Variants in POTEE observed in about 807,000 individuals in gnomAD.
The protein encoded by POTEE is POTE ankyrin domain family member E.
Under a neutral mutation model 74.2 loss-of-function variants are expected in POTEE, and 21 were observed. That is an observed-to-expected ratio of 0.28 (90% CI 0.20 to 0.41). The LOEUF is 0.41. Among genes scored for constraint, POTEE ranks in the 10% least tolerant of loss-of-function variants. The pLI is 1.00. For synonymous variants in POTEE, 211 were observed against 432.8 expected, an observed-to-expected ratio of 0.49 and a Z score of 6.36; for missense variants, 525 against 1,158.6, an observed-to-expected ratio of 0.45 and a Z score of 7.94.
rs1451451616 is a variant in POTEE, at chr2:131,265,097, G to A, written c.*414G>A. The A allele has an allele frequency of 1.4e-4, 23 of 169,940 alleles. No homozygotes were observed. The highest frequency in any genetic ancestry group is 2.2e-4 in the Non-Finnish European group (18 of 80,870). The allele number at this position is 169,940 out of a possible 1,614,324, so 10.5% of individuals were successfully genotyped here. A position where few individuals can be genotyped will look rare whatever the true frequency, so the allele number is the denominator to read the frequency against. ...ATAATGCAAAATTTTTTGAATCTTC[G>A]CCTTAATACTTTTTAATTTTGTTTT... is the stretch of plus-strand genomic sequence containing the variant. On this transcript the variant is annotated 3_prime_UTR_variant, in exon 18 of 18. Transcript: ENST00000683005.
chr2:131,220,719 T>C (rs1337025127), intron 4 of POTEE, among the ~76,000 whole-genome samples: 7 of 151,926 alleles, frequency 4.6e-5, no homozygotes, highest in Admixed American at 1.3e-4. Flanking sequence ...CCCAGCACTT[T>C]AGGAGGCTGA....
intron 3 of POTEE, chr2:131,218,068 G>A (rs1700491917): frequency 2.5e-5 from 11 of 432,076 alleles, no homozygotes; most frequent in Non-Finnish European, 4.3e-5. Context: ...GTGTTCCTTT[G>A]CTGGGCTTGA....
chr2:131,257,042 T>C (rs2105132144), intron 16 of POTEE, among the ~76,000 whole-genome samples: 1 of 139,510 alleles, frequency 7.2e-6, no homozygotes, highest in African/African-American at 2.7e-5. Flanking sequence ...TAAAAGTTTC[T>C]TTGTATTAAA....
At position 131,218,723 on chromosome 2, in the gene POTEE, C is replaced by T. The variant is rs368392317; in HGVS notation, c.321C>T (p.Pro107=). The T allele has an allele frequency of 2.3e-5, 37 of 1,575,738 alleles. No homozygotes were observed. The African/African-American group carries it at 3.5e-4, about 15-fold the overall frequency. Residue 107 remains proline (P), a synonymous_variant, in exon 4 of 18, where the codon CCC becomes CCT. Transcript: ENST00000683005. Reference sequence around the variant, plus strand: ...GGAAGTGGTGCTGCCACTGCTTCCCCTGCTGCAGGGGGAGCGGCAAGAGCA... The same window carrying T: ...GGAAGTGGTGCTGCCACTGCTTCCCTTGCTGCAGGGGGAGCGGCAAGAGCA... ...KMGKWCCHCF[P]CCRGSGKSKV...
At chr2:131,234,168 A>T (rs532085866) in intron 9 of POTEE, among the ~76,000 whole-genome samples, 1 of 151,574 alleles carries the variant, frequency 6.6e-6, no homozygotes, top group Non-Finnish European at 1.5e-5. Context: ...AACTTAATGG[A>T]TAAAGATGAA....
In POTEE at chr2:131,226,896, A is replaced by G. The variant is rs527952912; in HGVS notation, c.884A>G (p.Lys295Arg). 6.2e-7 allele frequency: 1 copy of G among 1,611,752 alleles called. No homozygotes were observed. The highest frequency in any genetic ancestry group is 1.1e-5 in the South Asian group (1 of 90,978). The change falls in exon 7 of 18, where the codon AAA becomes AGA. Residue 295 changes from lysine (K) to arginine (R), a missense_variant. Coordinates refer to ENST00000683005, the MANE Select transcript of POTEE (RefSeq NM_001083538.3). ...GTCGTGAAATTTTTAATCAAGAAAAAAGCGAATTTAAATGCACTGGATAGA... is the reference window on the plus strand; with the variant it reads ...GTCGTGAAATTTTTAATCAAGAAAAGAGCGAATTTAAATGCACTGGATAGA... ...QQVVKFLIKKKANLNALDRYG... is the reference protein window; with the variant it reads ...QQVVKFLIKKRANLNALDRYG...
chr2:131,213,127 A>C (rs1293518656), intron 2 of POTEE, among the ~76,000 whole-genome samples: 25 of 152,010 alleles, frequency 1.6e-4, no homozygotes, highest in Middle Eastern at 3.4e-3. Flanking sequence ...CGCCCGGCTA[A>C]TTTTTGTATT....
chr2:131,228,777 A>T (rs1387121460), intron 8 of POTEE, among the ~76,000 whole-genome samples: 1 of 146,686 alleles, frequency 6.8e-6, no homozygotes, highest in Non-Finnish European at 1.5e-5. Context: ...TACTCCTTGA[A>T]TTTTTCAAGA....
intron 2 of POTEE, among the ~76,000 whole-genome samples, chr2:131,211,503 C>CA (rs1261579904): frequency 1.6e-5 from 1 of 62,222 alleles, no homozygotes; most frequent in Non-Finnish European, 3.4e-5. Flanking sequence ...TCATTCTTAA[C>CA]AAAATTTAGG....
At chr2:131,213,084 C>A (rs1700390032) in intron 2 of POTEE, among the ~76,000 whole-genome samples, 1 of 151,866 alleles carries the variant, frequency 6.6e-6, no homozygotes, top group South Asian at 2.1e-4. Flanking sequence ...CCTTGGCCCC[C>A]TGAGTAGCTG....
rs1435079314 is a variant in POTEE at position 131,251,326 on chromosome 2, A to G, written c.1551+478A>G. Among the ~76,000 whole-genome samples the G allele has an allele frequency of 3.7e-4, 7 of 19,166 alleles. 1 individual carries two copies. Among genetic ancestry groups the G allele is most frequent in the African/African-American group, 4.9e-4 (5 of 10,304 alleles). The allele number at this position is 19,166 out of a possible 152,430, so 12.6% of individuals were successfully genotyped here. A position where few individuals can be genotyped will look rare whatever the true frequency, so the allele number is the denominator to read the frequency against. ...TTATTGTAATAAAATCAGCAACCTT[A>G]TTAACAGAAGAATCAATAGATTCTA... On this transcript the variant is annotated intron_variant, in intron 14 of 17. Transcript: ENST00000683005.
chr2:131,262,738 G>C (rs2105141786), intron 17 of POTEE, among the ~76,000 whole-genome samples: 1 of 152,378 alleles, frequency 6.6e-6, no homozygotes, highest in East Asian at 1.9e-4. Flanking sequence ...GCAATGCCTA[G>C]ATACAGATGT....
At chr2:131,262,674 C>T (rs1203534555) in intron 17 of POTEE, among the ~76,000 whole-genome samples, 1 of 151,628 alleles carries the variant, frequency 6.6e-6, no homozygotes, top group African/African-American at 2.4e-5. Context: ...TATTTTTTGA[C>T]CTCTCCTTTT....
rs200132944 is a variant in POTEE at position 131,263,366 on chromosome 2, T to G, written c.1911T>G (p.Ser637Arg). The part of the protein sequence containing the change: ...VEKMNSELSL[S>R]CKKEKDVLHE... ...CTTTGTTTACTTAGCTTTCTCTTAGTTGTAAGAAAGAAAAAGACGTCTTGC... is the reference window on the plus strand; with the variant it reads ...CTTTGTTTACTTAGCTTTCTCTTAGGTGTAAGAAAGAAAAAGACGTCTTGC... Residue 637 changes from serine (S) to arginine (R), a missense_variant, in exon 18 of 18, where the codon AGT (serine) becomes AGG (arginine). By Grantham distance (110) the Ser-to-Arg change is moderately radical (BLOSUM62 -1). Coordinates refer to ENST00000683005, the MANE Select transcript of POTEE (RefSeq NM_001083538.3). 855 of 1,611,304 alleles carry G rather than the reference T, an allele frequency of 5.3e-4. 9 individuals are homozygous for G. In the African/African-American group the frequency reaches 9.9e-3, roughly 19 times the overall value.
intron 4 of POTEE, among the ~76,000 whole-genome samples, chr2:131,219,998 A>T (rs1166354162): frequency 6.6e-6 from 1 of 150,946 alleles, no homozygotes; most frequent in East Asian, 1.9e-4. Flanking sequence ...ATACCCAAAT[A>T]TATGTTAAGA....
At chr2:131,211,968 T>C (rs1700370051) in intron 2 of POTEE, among the ~76,000 whole-genome samples, 1 of 152,016 alleles carries the variant, frequency 6.6e-6, no homozygotes, top group African/African-American at 2.4e-5. Context: ...CTGTTCTTTT[T>C]GCTTTTTCTA....
intron 1 of POTEE, among the ~76,000 whole-genome samples, chr2:131,210,164 A>G (rs2105054395): frequency 7.3e-6 from 1 of 137,886 alleles, no homozygotes; most frequent in South Asian, 2.5e-4. Context: ...GTGGTTTAGG[A>G]GTGTTGTCGG....
intron 2 of POTEE, among the ~76,000 whole-genome samples, chr2:131,216,589 ATAAAT>A (rs780534978): frequency 5.9e-5 from 9 of 151,676 alleles, no homozygotes; most frequent in South Asian, 2.1e-4. Flanking sequence ...TACACCAAAA[ATAAAT>A]TAAAACAAAT....
intron 6 of POTEE, among the ~76,000 whole-genome samples, chr2:131,225,786 C>G: frequency 6.6e-6 from 1 of 151,590 alleles, no homozygotes; most frequent in Non-Finnish European, 1.5e-5. Flanking sequence ...TCAGCCTCCC[C>G]AAATGCTAGG....
Sources: gnomAD v4.1 joint callset for allele counts (sites outside exome capture counted in the v4.1 genomes callset) on GRCh38, gnomAD v4.1.1 for gene constraint, MANE v1.5 for transcripts, NCBI Gene and HGNC (gene_info 2026-07-23, HGNC 2026-07-21) for gene names.